CCDC3: variants seen among roughly 807,000 people sequenced by gnomAD.
The protein encoded by CCDC3 is coiled-coil domain containing 3, also known as coiled-coil domain-containing protein 3.
A neutral mutation model predicts 21.4 loss-of-function variants in CCDC3; 24 were observed. The observed-to-expected ratio is 1.12, with a 90% CI of 0.81 to 1.58. The LOEUF (loss-of-function observed/expected upper bound fraction) is 1.58, where lower values mean the gene tolerates loss of function less well. Among genes scored for constraint, CCDC3 ranks in the 40% most tolerant of loss-of-function variants. The probability of loss-of-function intolerance (pLI) is 0.00; values close to 1 mark genes in which losing one functional copy is unlikely to be tolerated. For missense variants in CCDC3, 425 were observed against 360.9 expected (o/e 1.18, Z -1.44); for synonymous variants, 186 against 166.0 (o/e 1.12, Z -0.93).
chr10:13,000,866 A>C (rs541870405), intron 1 of CCDC3, among the ~76,000 whole-genome samples: 1 of 152,322 alleles, frequency 6.6e-6, no homozygotes, highest in East Asian at 1.9e-4. Flanking sequence ...TCACCGTCCC[A>C]ATCTACTCCC....
chr10:12,941,001 G>C lies in CCDC3; in HGVS notation c.550-42322C>G, dbSNP rs78556486. On this transcript the variant is annotated intron_variant, in intron 2 of 2. Coordinates refer to ENST00000378825, the MANE Select transcript of CCDC3 (RefSeq NM_031455.4). ...ATGAACCAGAGCGACTCCATTTTGT[G>C]TAGAGGCTGGGTAATATAAGGCTGA... Among the ~76,000 whole-genome samples, 177 of 152,290 alleles carry C rather than the reference G, an allele frequency of 1.2e-3. 1 individual carries two copies. The highest frequency in any genetic ancestry group is 3.4e-3 in the Middle Eastern group (1 of 294).
At chr10:12,958,219 CAAA>C (rs199995257) in intron 2 of CCDC3, among the ~76,000 whole-genome samples, 4 of 151,804 alleles carry the variant, frequency 2.6e-5, no homozygotes, top group Non-Finnish European at 4.4e-5. Flanking sequence ...AACAAACAAA[CAAA>C]AAAAACCCAA....
chr10:12,943,357 T>C lies in CCDC3; in HGVS notation c.550-44678A>G, dbSNP rs529589718. On this transcript the variant is annotated intron_variant, in intron 2 of 2. Transcript: ENST00000378825. ...TGTGAAAAACTAGTTTAGGCCATGA[T>C]GGTGATGAGGTAGCTAAAAAGAAAT... is the stretch of plus-strand genomic sequence containing the variant. Among the ~76,000 whole-genome samples, 6 of 152,248 alleles carry C rather than the reference T, an allele frequency of 3.9e-5. No individual in the cohort carries two copies. The South Asian group carries it at 6.2e-4, about 16-fold the overall frequency.
At position 12,998,369 on chromosome 10, in the gene CCDC3, G is replaced by T; in HGVS notation, c.518C>A (p.Ser173Tyr). Residue 173 changes from serine to tyrosine, a missense_variant, in exon 2 of 3, where the codon TCC (serine) becomes TAC (tyrosine). Ser to Tyr is a moderately radical substitution (Grantham distance 144). Coordinates refer to ENST00000378825, the MANE Select transcript of CCDC3 (RefSeq NM_031455.4). ...CSQGQQLATFSSDWEIQEDSR... is the reference protein window; with the variant it reads ...CSQGQQLATFYSDWEIQEDSR... ...GTCTTCCTGGATTTCCCAGTCACTG[G>T]AGAAAGTCGCCAGCTGCTGCCCTTG... is the stretch of plus-strand genomic sequence containing the variant. The T allele has an allele frequency of 6.2e-7, 1 of 1,614,088 alleles. No homozygotes were observed. The highest frequency in any genetic ancestry group is 8.5e-7 in the Non-Finnish European group (1 of 1,180,006).
At chr10:13,084,242 G>C (rs567196036) in intron 3 of CCDC3, among the ~76,000 whole-genome samples, 8 of 150,460 alleles carry the variant, frequency 5.3e-5, no homozygotes, top group Admixed American at 3.3e-4. Flanking sequence ...GCCCTACCCT[G>C]TCTATGGAGT....
intron 3 of CCDC3, among the ~76,000 whole-genome samples, chr10:13,094,966 C>T (rs1288334648): frequency 2.0e-5 from 3 of 152,118 alleles, no homozygotes; most frequent in African/African-American, 7.2e-5. Flanking sequence ...GTCCCTGGGA[C>T]TCTGGGTACT....
intron 2 of CCDC3, among the ~76,000 whole-genome samples, chr10:12,979,618 T>C (rs1253673332): frequency 6.6e-6 from 1 of 152,030 alleles, no homozygotes; most frequent in Non-Finnish European, 1.5e-5. Context: ...GTGATCCTCC[T>C]ACCTTGGCCT....
At position 12,988,042 on chromosome 10, in the gene CCDC3, G is replaced by A. The variant is rs143287359; in HGVS notation, c.549+10296C>T. Among the ~76,000 whole-genome samples, 893 of 152,158 alleles carry A rather than the reference G, an allele frequency of 5.9e-3. 4 individuals are homozygous for A. Among genetic ancestry groups the A allele is most frequent in the Admixed American group, 8.6e-3 (132 of 15,278 alleles). On this transcript the variant is annotated intron_variant, in intron 2 of 2. Transcript: ENST00000378825. ...TGAAAGGCTCATCACGTCTCACCAC[G>A]CCGTTCAATGGCTCCCCAAATCACA...
At chr10:12,929,192 G>T (rs1211475336) in intron 2 of CCDC3, among the ~76,000 whole-genome samples, 1 of 151,444 alleles carries the variant, frequency 6.6e-6, no homozygotes, top group South Asian at 2.1e-4. Context: ...AACCCAGGGG[G>T]TGGAGGTCGC....
chr10:12,922,708 C>T (rs1052385293), intron 2 of CCDC3, among the ~76,000 whole-genome samples: 10 of 152,072 alleles, frequency 6.6e-5, no homozygotes, highest in East Asian at 1.9e-4. Flanking sequence ...ATGTTTTCCC[C>T]GGATGTGGTA....
At chr10:13,001,165 G>C (rs1835844086) in intron 1 of CCDC3, 32 bp downstream of exon 1, 6 of 1,542,508 alleles carry the variant, frequency 3.9e-6, no homozygotes, top group Non-Finnish European at 5.3e-6. Context: ...CGCAGAGAGA[G>C]AGAGAGGTGG....
At chr10:12,916,524 G>A (rs1208631550) in intron 2 of CCDC3, among the ~76,000 whole-genome samples, 2 of 150,830 alleles carry the variant, frequency 1.3e-5, no homozygotes, top group Non-Finnish European at 3.0e-5. Flanking sequence ...CCAACCTGAG[G>A]CAGGAGAATC....
chr10:12,913,155 C>A (rs1834296643), intron 2 of CCDC3, among the ~76,000 whole-genome samples: 1 of 152,124 alleles, frequency 6.6e-6, no homozygotes, highest in Admixed American at 6.5e-5. Flanking sequence ...ATGGGGATTG[C>A]ATTGAATCTG....
intron 5 of CCDC3, among the ~76,000 whole-genome samples, chr10:13,043,195 G>GA (rs1408802582): frequency 6.6e-6 from 1 of 152,102 alleles, no homozygotes; most frequent in African/African-American, 2.4e-5. Context: ...GTACTCAATA[G>GA]TTTTTCAAGC....
At chr10:12,966,208 TACTCA>T (rs1420112583) in intron 2 of CCDC3, among the ~76,000 whole-genome samples, 10 of 152,050 alleles carry the variant, frequency 6.6e-5, no homozygotes, top group Admixed American at 5.2e-4. Flanking sequence ...TACTATATGG[TACTCA>T]GTTACCAGCC....
Position 12,904,551 on chromosome 10 carries a change from G to C in CCDC3, c.550-5872C>G, listed in dbSNP as rs140283557. ...CTATCCTTAGGACCACAGGCCAATG[G>C]GGAGGGATGGCAAGATGGGGTGCTC... On this transcript the variant is annotated intron_variant, in intron 2 of 2. Transcript: ENST00000378825. Among the ~76,000 whole-genome samples, 545 of 148,692 alleles carry C rather than the reference G, an allele frequency of 3.7e-3. 10 individuals are homozygous for C. The highest frequency in any genetic ancestry group is 0.03 in the Admixed American group (452 of 14,822).
intron 2 of CCDC3, among the ~76,000 whole-genome samples, chr10:12,981,177 A>AATTT (rs761040220): frequency 9.5e-6 from 1 of 105,558 alleles, no homozygotes; most frequent in African/African-American, 3.9e-5. Context: ...CTGGCCCAGG[A>AATTT]TTTTTTTTTT....
At chr10:12,921,094 G>A (rs892545435) in intron 2 of CCDC3, among the ~76,000 whole-genome samples, 3 of 152,080 alleles carry the variant, frequency 2.0e-5, no homozygotes, top group Non-Finnish European at 2.9e-5. Context: ...CTGGGACATC[G>A]TGGTTTTAGT....
At chr10:13,037,278 C>A (rs1836389733) in intron 5 of CCDC3, among the ~76,000 whole-genome samples, 1 of 152,010 alleles carries the variant, frequency 6.6e-6, no homozygotes, top group African/African-American at 2.4e-5. Context: ...TGTTTTAAAA[C>A]AAATCCAAGT....
Sources: allele counts gnomAD v4.1 joint callset (sites outside exome capture counted in the v4.1 genomes callset), GRCh38; gene constraint gnomAD v4.1.1; transcripts MANE v1.5; gene names NCBI Gene and HGNC (gene_info 2026-07-23, HGNC 2026-07-21).